PRKRIP1: variants seen among roughly 807,000 people sequenced by gnomAD.
PRKRIP1 encodes the protein PRKR-interacting protein 1.
In PRKRIP1, 29 loss-of-function variants were observed where a neutral mutation model predicts 29.3. The observed-to-expected ratio is 0.99, with a 90% CI of 0.74 to 1.35. The LOEUF (loss-of-function observed/expected upper bound fraction) is 1.35. Among genes scored for constraint, PRKRIP1 ranks in the 40% most tolerant of loss-of-function variants. PRKRIP1 has a pLI of 0.00. For missense variants in PRKRIP1, 247 were observed against 236.8 expected, an observed-to-expected ratio of 1.04 and a Z score of -0.28; for synonymous variants, 90 against 85.1, an observed-to-expected ratio of 1.06 and a Z score of -0.32.
At position 102,426,064 on chromosome 7, in the gene PRKRIP1, C is replaced by T. The variant is rs1158688866; in HGVS notation, c.*953C>T. On this transcript the variant is annotated 3_prime_UTR_variant, in exon 6 of 6. Coordinates refer to ENST00000397912, the MANE Select transcript of PRKRIP1 (RefSeq NM_024653.4). ...CTGCTGTGTCCTCATGTGGCGCAGC[C>T]TCAAACTGGCATCCAGGCACTGGGC... 2.6e-5 allele frequency: 4 copies of T among 152,908 alleles called. No individual in the cohort carries two copies. Among genetic ancestry groups the T allele is most frequent in the East Asian group, 3.8e-4 (2 of 5,206 alleles). 9.5% of individuals were successfully genotyped at this position (152,908 alleles called of 1,614,324 possible). A position where few individuals can be genotyped will look rare whatever the true frequency, so the allele number is the denominator to read the frequency against.
intron 5 of PRKRIP1, among the ~76,000 whole-genome samples, chr7:102,420,413 A>G (rs1328371443): frequency 6.6e-6 from 1 of 152,162 alleles, no homozygotes; most frequent in Non-Finnish European, 1.5e-5. Context: ...AATTTGAGCC[A>G]TCCTAATATA....
rs965510056 is a variant in PRKRIP1 at position 102,417,077 on chromosome 7, G to A, written c.458-7937G>A. ...TCACTGTGTTAGCCAGGGTGGTCTC[G>A]ATCTCCTGACCTCGTGATCCACCCG... On this transcript the variant is annotated intron_variant, in intron 5 of 5. Coordinates refer to ENST00000397912, the MANE Select transcript of PRKRIP1 (RefSeq NM_024653.4). 3.3e-5 allele frequency among the ~76,000 whole-genome samples: 5 copies of A among 151,870 alleles called. No homozygotes were observed. The South Asian group carries it at 6.2e-4, about 19-fold the overall frequency.
intron 5 of PRKRIP1, among the ~76,000 whole-genome samples, chr7:102,424,083 G>C (rs1197259457): frequency 1.3e-5 from 2 of 152,280 alleles, no homozygotes; most frequent in Non-Finnish European, 2.9e-5. Context: ...TGCGTGTTCT[G>C]TGTTCTTTCT....
chr7:102,404,691 G>A lies in PRKRIP1; in HGVS notation c.392+8G>A, dbSNP rs782820381. The A allele has an allele frequency of 6.2e-7, 1 of 1,611,358 alleles. No homozygotes were observed. Among genetic ancestry groups the A allele is most frequent in the East Asian group, 2.2e-5 (1 of 44,880 alleles). On this transcript the variant is annotated splice_region_variant and intron_variant, in intron 4 of 5. Coordinates refer to ENST00000397912, the MANE Select transcript of PRKRIP1 (RefSeq NM_024653.4). Reference sequence around the variant, plus strand: ...AAAGCGCCGGAAGAAGCGGTAAGCGGCATGGCCTAACTGTGATGACACTTA... The same window carrying A: ...AAAGCGCCGGAAGAAGCGGTAAGCGACATGGCCTAACTGTGATGACACTTA...
Position 102,397,649 on chromosome 7 carries a change from G to C in PRKRIP1, c.156G>C (p.Met52Ile), listed in dbSNP as rs782654900. The stretch of plus-strand genomic sequence containing the variant: ...AAGCAGTTCCAATTCCAGAGAAAAT[G>C]AGTGAATGGGCACCTCGACCTCCCC... ...PDKAVPIPEK[M>I]SEWAPRPPPE... Residue 52 changes from methionine (M) to isoleucine (I), a missense_variant, in exon 2 of 6, where the codon ATG becomes ATC. By Grantham distance (10) the Met-to-Ile change is conservative. This residue lies in a region of PRKRIP1 where 105 missense variants were observed against 80.2 expected (regional missense o/e 1.31). Transcript: ENST00000397912. 1.9e-6 allele frequency: 3 copies of C among 1,613,962 alleles called. No individual in the cohort carries two copies. In the Admixed American group the frequency reaches 5.0e-5, roughly 27 times the overall value.
At chr7:102,398,394 C>T (rs1795975114) in intron 2 of PRKRIP1, among the ~76,000 whole-genome samples, 1 of 152,054 alleles carries the variant, frequency 6.6e-6, no homozygotes, top group African/African-American at 2.4e-5. Context: ...AAGCGATTCT[C>T]CTGCCTTAGC....
At chr7:102,401,556 A>T (rs185931319) in intron 3 of PRKRIP1, among the ~76,000 whole-genome samples, 10 of 152,324 alleles carry the variant, frequency 6.6e-5, no homozygotes, top group Middle Eastern at 6.8e-3. Flanking sequence ...CAACATGGTG[A>T]GACCCCATCT....
At chr7:102,418,051 T>TC (rs1203649664) in intron 5 of PRKRIP1, among the ~76,000 whole-genome samples, 2 of 139,502 alleles carry the variant, frequency 1.4e-5, no homozygotes, top group African/African-American at 2.6e-5. Context: ...TTCTTCTTCT[T>TC]TTTTTTTTTT....
chr7:102,400,267 A>C (rs1260791846), intron 3 of PRKRIP1, among the ~76,000 whole-genome samples: 1 of 151,668 alleles, frequency 6.6e-6, no homozygotes, highest in Admixed American at 6.6e-5. Context: ...CCTAGATTGC[A>C]CCATTGCATG....
chr7:102,420,228 G>C (rs1796660868), intron 5 of PRKRIP1, among the ~76,000 whole-genome samples: 1 of 152,134 alleles, frequency 6.6e-6, no homozygotes, highest in African/African-American at 2.4e-5. Context: ...CACATCAACT[G>C]AGTACATCTG....
chr7:102,422,594 G>A (rs1476613581), intron 5 of PRKRIP1, among the ~76,000 whole-genome samples: 2 of 151,348 alleles, frequency 1.3e-5, no homozygotes, highest in East Asian at 2.0e-4. Flanking sequence ...CACCGGCCTC[G>A]GCTGTTGAAA....
intron 3 of PRKRIP1, 89 bp downstream of exon 3, chr7:102,399,737 G>A (rs782011635): frequency 6.1e-5 from 65 of 1,068,588 alleles, no homozygotes; most frequent in East Asian, 9.8e-5. Context: ...GAGGCTGGGC[G>A]TGGTGGCTCA....
chr7:102,421,525 G>A (rs1484071716), intron 5 of PRKRIP1, among the ~76,000 whole-genome samples: 2 of 150,332 alleles, frequency 1.3e-5, no homozygotes, highest in South Asian at 2.1e-4. Context: ...AAGGCCGGGT[G>A]TGGTGGTTCA....
In PRKRIP1 at chr7:102,425,615, G is replaced by T; in HGVS notation, c.*504G>T. On this transcript the variant is annotated 3_prime_UTR_variant, in exon 6 of 6. Coordinates refer to ENST00000397912, the MANE Select transcript of PRKRIP1 (RefSeq NM_024653.4). ...GTCCATGTTGCCCACTCACTCCAGT[G>T]GGAAGTGGGGACCACGCCATAGAGG... The T allele has an allele frequency of 4.1e-6, 1 of 243,814 alleles. No individual in the cohort carries two copies. 15.1% of individuals were successfully genotyped at this position (243,814 alleles called of 1,614,324 possible).
In PRKRIP1 at chr7:102,396,459, A is replaced by G. The variant is rs1554570344; in HGVS notation, c.48A>G (p.Lys16=). 1 of 1,608,366 alleles carries G rather than the reference A, an allele frequency of 6.2e-7. No individual in the cohort carries two copies. Among genetic ancestry groups the G allele is most frequent in the East Asian group, 2.2e-5 (1 of 44,536 alleles). Residue 16 remains lysine, a synonymous_variant, in exon 1 of 6, where the codon AAA becomes AAG. Transcript: ENST00000397912. ...CGGTGCGACCACCGAGGCCCAAGAA[A>G]GAGCCGCAGACGCTCGTCATCCCCA... The part of the protein sequence containing the change: ...ASSVRPPRPK[K]EPQTLVIPKN...
At chr7:102,407,032 G>C (rs1554571930) in intron 4 of PRKRIP1, among the ~76,000 whole-genome samples, 1 of 152,048 alleles carries the variant, frequency 6.6e-6, no homozygotes, top group African/African-American at 2.4e-5. Flanking sequence ...GGCTAACACA[G>C]AGAAACCCCA....
intron 5 of PRKRIP1, among the ~76,000 whole-genome samples, chr7:102,418,112 C>T (rs1038516789): frequency 4.7e-5 from 7 of 150,416 alleles, no homozygotes; most frequent in African/African-American, 9.8e-5. Flanking sequence ...TGCAATGGTG[C>T]GATCTCGGCT....
chr7:102,422,934 C>T (rs560387304), intron 5 of PRKRIP1: 210 of 247,954 alleles, frequency 8.5e-4, no homozygotes, highest in African/African-American at 5.7e-3. Flanking sequence ...CCGAAACATC[C>T]GAAATCTGAA....
intron 3 of PRKRIP1, among the ~76,000 whole-genome samples, chr7:102,402,999 C>T (rs980000500): frequency 2.6e-5 from 4 of 151,944 alleles, no homozygotes; most frequent in Non-Finnish European, 4.4e-5. Flanking sequence ...CTCAGCCTCC[C>T]GAGTACCTGG....
Sources: allele counts gnomAD v4.1 joint callset (sites outside exome capture counted in the v4.1 genomes callset), GRCh38; gene constraint gnomAD v4.1.1; regional missense constraint gnomAD v4.1.1; transcripts MANE v1.5; gene names NCBI Gene and HGNC (gene_info 2026-07-23, HGNC 2026-07-21).